Variants in TAF4 observed in about 807,000 individuals in gnomAD.
TAF4 encodes the protein transcription initiation factor TFIID subunit 4.
TAF4 carries 9 observed loss-of-function variants against 90.3 expected under a neutral mutation model. The ratio of observed to expected loss-of-function variants is 0.10; its 90% CI spans 0.06 to 0.17. TAF4 has a LOEUF of 0.17. Among genes scored for constraint, TAF4 ranks in the 10% least tolerant of loss-of-function variants. TAF4 has a pLI of 1.00. For missense variants in TAF4, 1,351 were observed against 1,370.7 expected, an observed-to-expected ratio of 0.99 and a Z score of 0.23; for synonymous variants, 818 against 638.9, an observed-to-expected ratio of 1.28 and a Z score of -4.23.
chr20:62,040,166 T>C (rs2055955830), intron 1 of TAF4, among the ~76,000 whole-genome samples: 1 of 152,270 alleles, frequency 6.6e-6, no homozygotes, highest in Non-Finnish European at 1.5e-5. Flanking sequence ...TAAAGATTTA[T>C]AGGAAACATT....
intron 14 of TAF4, among the ~76,000 whole-genome samples, chr20:61,978,010 G>A (rs952067771): frequency 1.3e-5 from 2 of 152,182 alleles, no homozygotes; most frequent in Admixed American, 1.3e-4. Flanking sequence ...ATATTCTAAC[G>A]CAAGTGTCAG....
intron 1 of TAF4, among the ~76,000 whole-genome samples, chr20:62,061,670 G>A (rs181878722): frequency 9.0e-4 from 137 of 152,294 alleles, no homozygotes; most frequent in Admixed American, 2.8e-3. Flanking sequence ...ACCTGACTAT[G>A]ACGTTATGAC....
chr20:61,976,613 G>C (rs547996774), intron 14 of TAF4, among the ~76,000 whole-genome samples: 1 of 152,228 alleles, frequency 6.6e-6, no homozygotes, highest in Admixed American at 6.5e-5. Flanking sequence ...GCTGAGGATG[G>C]ACTAGGGGGT....
chr20:62,044,527 C>T (rs1367129650), intron 1 of TAF4, among the ~76,000 whole-genome samples: 1 of 152,156 alleles, frequency 6.6e-6, no homozygotes, highest in Non-Finnish European at 1.5e-5. Context: ...GAGTTTTGAA[C>T]ACAGTACTGA....
At chr20:62,034,431 C>T (rs2055921081) in intron 1 of TAF4, among the ~76,000 whole-genome samples, 1 of 152,164 alleles carries the variant, frequency 6.6e-6, no homozygotes, top group African/African-American at 2.4e-5. Context: ...TCAAGCGATC[C>T]TCCCACCCCA....
chr20:62,014,031 T>G (rs1228840706), intron 2 of TAF4, among the ~76,000 whole-genome samples: 21 of 141,638 alleles, frequency 1.5e-4, no homozygotes, highest in Admixed American at 2.8e-4. Context: ...TGTGTGTGTG[T>G]GTGTGTGTGT....
intron 14 of TAF4, among the ~76,000 whole-genome samples, chr20:61,989,783 G>A (rs1438823496): frequency 6.6e-6 from 1 of 152,198 alleles, no homozygotes; most frequent in Non-Finnish European, 1.5e-5. Context: ...CAGCACTGCA[G>A]TGAGTGAACG....
At position 62,006,618 on chromosome 20, in the gene TAF4, C is replaced by T. The variant is rs761743554; in HGVS notation, c.2115G>A (p.Thr705=). The stretch of plus-strand genomic sequence containing the variant: ...TCACGGTGGCCGCCGTCTTCCCGGC[C>T]GTGCGCTGGACCGAGCTACTCAGCA... ...AVVLSSSVQR[T]AGKTAATVTS... is the part of the protein sequence containing the mutation. The change falls in exon 7 of 15, where the codon ACG becomes ACA. Residue 705 remains threonine, a synonymous_variant. Coordinates refer to ENST00000252996, the MANE Select transcript of TAF4 (RefSeq NM_003185.4). The surrounding 1 kb of genome is among the most constrained non-coding windows in gnomAD (Gnocchi z 7.0). 5 of 1,599,692 alleles carry T rather than the reference C, an allele frequency of 3.1e-6. No individual in the cohort carries two copies. Among genetic ancestry groups the T allele is most frequent in the East Asian group, 2.3e-5 (1 of 44,128 alleles).
chr20:62,045,356 G>C (rs1600859220), intron 1 of TAF4, among the ~76,000 whole-genome samples: 2 of 152,312 alleles, frequency 1.3e-5, no homozygotes, highest in South Asian at 2.1e-4. Flanking sequence ...CCCTTGACTC[G>C]CTTCAGGTGC....
At chr20:62,064,412 G>A (rs773479458) in intron 1 of TAF4, 39 bp downstream of exon 1, 8 of 1,282,240 alleles carry the variant, frequency 6.2e-6, no homozygotes, top group Middle Eastern at 4.6e-4. Flanking sequence ...TGGCGCTGCT[G>A]GGAGCCGCCC....
At chr20:62,038,855 C>G (rs1294230135) in intron 1 of TAF4, among the ~76,000 whole-genome samples, 1 of 152,098 alleles carries the variant, frequency 6.6e-6, no homozygotes, top group Non-Finnish European at 1.5e-5. Context: ...GAATTCAAGA[C>G]CAGCCTGGCC....
At chr20:62,030,800 C>T (rs182611899) in intron 1 of TAF4, among the ~76,000 whole-genome samples, 1 of 152,336 alleles carries the variant, frequency 6.6e-6, no homozygotes, top group East Asian at 1.9e-4. Context: ...ACGAAAGCAA[C>T]ACCAAGGGCC....
At chr20:61,976,371 G>A (rs770560844) in intron 14 of TAF4, 36 bp from the exon 15 acceptor site, 29 of 1,608,026 alleles carry the variant, frequency 1.8e-5, no homozygotes, top group Non-Finnish European at 2.2e-5. Flanking sequence ...TGTGTTAGTG[G>A]GGCTCAGAGT....
chr20:61,990,490 G>A (rs942451751), intron 14 of TAF4, among the ~76,000 whole-genome samples: 2 of 152,158 alleles, frequency 1.3e-5, no homozygotes, highest in Admixed American at 1.3e-4. Context: ...AACTGATGAA[G>A]ATGAACCACA....
chr20:62,004,644 G>A (rs1299864999), intron 7 of TAF4: 1 of 152,168 alleles, frequency 6.6e-6, no homozygotes, highest in African/African-American at 2.4e-5. Context: ...TGAATTTTCT[G>A]TAAGGCGGCT....
chr20:62,011,002 G>A (rs1378410189), intron 3 of TAF4, among the ~76,000 whole-genome samples: 1 of 152,160 alleles, frequency 6.6e-6, no homozygotes, highest in Non-Finnish European at 1.5e-5. Flanking sequence ...ACTTCTGAAA[G>A]CAGGGGGCAG....
chr20:62,064,318 G>C, intron 1 of TAF4, 133 bp downstream of exon 1: 1 of 1,079,194 alleles, frequency 9.3e-7, no homozygotes, highest in Non-Finnish European at 1.2e-6. Flanking sequence ...GGTAGAGACT[G>C]CCCCTCGGCC....
chr20:61,987,755 C>T (rs949354006), intron 14 of TAF4, among the ~76,000 whole-genome samples: 3 of 152,260 alleles, frequency 2.0e-5, no homozygotes, highest in Non-Finnish European at 2.9e-5. Flanking sequence ...TATGTCCACA[C>T]GAAATCCTGC....
rs2055486508 is a variant in TAF4 at position 61,975,368 on chromosome 20, T to C, written c.*800A>G. The C allele has an allele frequency of 6.6e-6, 1 of 152,466 alleles. No homozygotes were observed. Among genetic ancestry groups the C allele is most frequent in the African/African-American group, 2.4e-5 (1 of 41,436 alleles). 9.4% of individuals were successfully genotyped at this position (152,466 alleles called of 1,614,324 possible). ...AGAAACAGTCTTTTGATGATTCTTCTCAACTTTGATTTTATTTAATCTAGG... is the reference window on the plus strand; with the variant it reads ...AGAAACAGTCTTTTGATGATTCTTCCCAACTTTGATTTTATTTAATCTAGG... On this transcript the variant is annotated 3_prime_UTR_variant, in exon 15 of 15. Coordinates refer to ENST00000252996, the MANE Select transcript of TAF4 (RefSeq NM_003185.4).
Sources: allele counts gnomAD v4.1 joint callset (sites outside exome capture counted in the v4.1 genomes callset), GRCh38; gene constraint gnomAD v4.1.1; non-coding constraint Gnocchi (gnomAD v3.1); transcripts MANE v1.5; gene names NCBI Gene and HGNC (gene_info 2026-07-23, HGNC 2026-07-21).